The following TEC variants were observed in gnomAD, a reference collection of about 807,000 sequenced individuals.
TEC encodes the protein tyrosine-protein kinase Tec.
Under a neutral mutation model 93.0 loss-of-function variants are expected in TEC, and 72 were observed. The ratio of observed to expected loss-of-function variants is 0.77; its 90% confidence interval spans 0.64 to 0.94. The LOEUF is 0.94. Ranked by LOEUF, TEC falls within the 40% of genes least tolerant of loss-of-function variation. TEC has a pLI of 0.00. For synonymous variants in TEC, 249 were observed against 247.7 expected, an observed-to-expected ratio of 1.01 and a Z score of -0.05; for missense variants, 630 against 757.9, an observed-to-expected ratio of 0.83 and a Z score of 1.98.
At chr4:48,164,036 A>AT (rs1225936676) in intron 7 of TEC, among the ~76,000 whole-genome samples, 11 of 152,022 alleles carry the variant, frequency 7.2e-5, no homozygotes, top group Admixed American at 5.9e-4. Flanking sequence ...AGGTTATAGG[A>AT]TTTTTTTTCC....
At chr4:48,222,424 T>C (rs545525319) in intron 2 of TEC, among the ~76,000 whole-genome samples, 79 of 152,126 alleles carry the variant, frequency 5.2e-4, no homozygotes, top group African/African-American at 1.8e-3. Flanking sequence ...AAAACTGGGG[T>C]TGGGAGCTGC....
chr4:48,256,420 C>G (rs1209060287), intron 1 of TEC, among the ~76,000 whole-genome samples: 1 of 144,630 alleles, frequency 6.9e-6, no homozygotes, highest in South Asian at 2.2e-4. Context: ...CCTGTCTCTA[C>G]AAAAAATTTA....
chr4:48,179,338 G>GTGTATATATA (rs1721462552), intron 2 of TEC, among the ~76,000 whole-genome samples: 1 of 51,652 alleles, frequency 1.9e-5, no homozygotes, highest in African/African-American at 9.5e-5. Context: ...GACGTGGGTA[G>GTGTATATATA]TATATATATA....
intron 1 of TEC, among the ~76,000 whole-genome samples, chr4:48,239,021 T>C (rs1254518414): frequency 1.3e-5 from 2 of 152,222 alleles, no homozygotes; most frequent in African/African-American, 4.8e-5. Context: ...AGTATATTTC[T>C]ATCTTATTTT....
intron 2 of TEC, among the ~76,000 whole-genome samples, chr4:48,193,774 A>T (rs923984422): frequency 9.0e-6 from 1 of 111,684 alleles, no homozygotes; most frequent in African/African-American, 3.8e-5. Context: ...TTCATGTGTT[A>T]GGGTTTTTTT....
At chr4:48,149,082 C>T (rs1720049429) in intron 11 of TEC, among the ~76,000 whole-genome samples, 1 of 152,128 alleles carries the variant, frequency 6.6e-6, no homozygotes, top group Non-Finnish European at 1.5e-5. Flanking sequence ...CACTGATGGA[C>T]ATTTAGGTTA....
intron 1 of TEC, among the ~76,000 whole-genome samples, chr4:48,254,507 A>G (rs551581665): frequency 6.6e-6 from 1 of 152,348 alleles, no homozygotes; most frequent in East Asian, 1.9e-4. Context: ...GGCAGCCAGC[A>G]GAAGAATGGA....
At chr4:48,221,424 G>A (rs546553502) in intron 2 of TEC, among the ~76,000 whole-genome samples, 65 of 152,290 alleles carry the variant, frequency 4.3e-4, no homozygotes, top group African/African-American at 1.4e-3. Flanking sequence ...GCCACCATGC[G>A]AAGAGGTATG....
At chr4:48,203,118 C>G (rs1228200106) in intron 2 of TEC, among the ~76,000 whole-genome samples, 2 of 152,126 alleles carry the variant, frequency 1.3e-5, no homozygotes, top group Non-Finnish European at 2.9e-5. Context: ...AATCTCAACA[C>G]TTTGGGAGGC....
rs550746445 is a variant in TEC, at chr4:48,170,196, T to C, written c.454+52A>G. 15 of 1,419,800 alleles carry C rather than the reference T, an allele frequency of 1.1e-5. No homozygotes were observed. The African/African-American group carries it at 1.4e-4, about 13-fold the overall frequency. 88.0% of individuals were successfully genotyped at this position (1,419,800 alleles called of 1,614,324 possible). On this transcript the variant is annotated intron_variant, in intron 5 of 17. Transcript: ENST00000381501. ...CCATGTCACTTTCTTACCATACCAATAATACGTTCATTCTAAGCACAATAT... is the reference window on the plus strand; with the variant it reads ...CCATGTCACTTTCTTACCATACCAACAATACGTTCATTCTAAGCACAATAT...
At chr4:48,159,180 A>C (rs754041206) in intron 8 of TEC, among the ~76,000 whole-genome samples, 4 of 152,152 alleles carry the variant, frequency 2.6e-5, no homozygotes, top group Non-Finnish European at 4.4e-5. Context: ...ACACACCTCT[A>C]TAAAGGAATA....
intron 1 of TEC, among the ~76,000 whole-genome samples, chr4:48,233,507 T>C (rs531118355): frequency 4.0e-5 from 6 of 150,408 alleles, no homozygotes; most frequent in African/African-American, 1.2e-4. Context: ...CCCACTCTGA[T>C]AAATGAGAGA....
chr4:48,193,227 C>T (rs192756479), intron 2 of TEC, among the ~76,000 whole-genome samples: 19 of 151,616 alleles, frequency 1.3e-4, no homozygotes, highest in Admixed American at 7.9e-4. Context: ...TGGGATCAAG[C>T]GATCCTCCCA....
At chr4:48,206,636 TA>T (rs1722723755) in intron 2 of TEC, among the ~76,000 whole-genome samples, 1 of 151,990 alleles carries the variant, frequency 6.6e-6, no homozygotes, top group Non-Finnish European at 1.5e-5. Context: ...AAGCAATATT[TA>T]AAAGTGTAAA....
intron 2 of TEC, among the ~76,000 whole-genome samples, chr4:48,221,352 C>A (rs566973007): frequency 2.0e-5 from 3 of 152,176 alleles, no homozygotes; most frequent in Admixed American, 6.5e-5. Context: ...TGGGTGAGTT[C>A]TCACAAGATC....
At chr4:48,170,510 C>T in intron 4 of TEC, 134 bp from the exon 5 acceptor site, 2 of 581,060 alleles carry the variant, frequency 3.4e-6, no homozygotes, top group Non-Finnish European at 2.8e-6. Context: ...GATCACAGGA[C>T]TCAGCATTCA....
At chr4:48,181,170 C>A (rs927207298) in intron 2 of TEC, among the ~76,000 whole-genome samples, 2 of 152,128 alleles carry the variant, frequency 1.3e-5, no homozygotes, top group African/African-American at 2.4e-5. Context: ...GACAATTGAA[C>A]AACCAGGTGA....
chr4:48,180,813 A>G (rs969046328), intron 2 of TEC, among the ~76,000 whole-genome samples: 1 of 152,186 alleles, frequency 6.6e-6, no homozygotes, highest in Admixed American at 6.6e-5. Context: ...TCAGGAGTGC[A>G]GTACTGCGGT....
chr4:48,209,241 A>C (rs1378168554), intron 2 of TEC, among the ~76,000 whole-genome samples: 1 of 152,124 alleles, frequency 6.6e-6, no homozygotes, highest in Non-Finnish European at 1.5e-5. Flanking sequence ...TCAGTAGAAA[A>C]TAACCCTTCC....
Sources: gnomAD v4.1 joint callset for allele counts (sites outside exome capture counted in the v4.1 genomes callset) on GRCh38, gnomAD v4.1.1 for gene constraint, MANE v1.5 for transcripts, NCBI Gene and HGNC (gene_info 2026-07-23, HGNC 2026-07-21) for gene names.